The following AGBL4 variants were observed in gnomAD, a reference collection of about 807,000 sequenced individuals.
AGBL4 encodes the protein AGBL carboxypeptidase 4.
In AGBL4, 58 loss-of-function variants were observed where a neutral mutation model predicts 66.4. That is an observed-to-expected ratio of 0.87 (90% CI 0.71 to 1.09). The LOEUF is 1.09. Among genes scored for constraint, AGBL4 ranks in the 50% least tolerant of loss-of-function variants. AGBL4 has a pLI of 0.00. For missense variants in AGBL4, 579 were observed against 631.0 expected, an observed-to-expected ratio of 0.92 and a Z score of 0.88; for synonymous variants, 234 against 222.9, an observed-to-expected ratio of 1.05 and a Z score of -0.44.
intron 3 of AGBL4, among the ~76,000 whole-genome samples, chr1:49,481,159 C>A (rs999601493): frequency 6.6e-6 from 1 of 152,014 alleles, no homozygotes; most frequent in South Asian, 2.1e-4. Flanking sequence ...TTTTCTAGTT[C>A]TGTGAAGAAT....
intron 2 of AGBL4, among the ~76,000 whole-genome samples, chr1:49,722,380 A>G (rs1251070492): frequency 6.6e-6 from 1 of 152,184 alleles, no homozygotes; most frequent in African/African-American, 2.4e-5. Context: ...AGCATTAACA[A>G]ATGGAGAGAA....
chr1:48,861,693 T>C (rs908654523), intron 6 of AGBL4, among the ~76,000 whole-genome samples: 1 of 152,200 alleles, frequency 6.6e-6, no homozygotes, highest in Non-Finnish European at 1.5e-5. Flanking sequence ...TTTACCATAA[T>C]GCAACAACTA....
At chr1:49,742,031 G>C (rs1650539737) in intron 2 of AGBL4, among the ~76,000 whole-genome samples, 1 of 152,212 alleles carries the variant, frequency 6.6e-6, no homozygotes, top group Non-Finnish European at 1.5e-5. Context: ...GTTCAACATA[G>C]TGTTGGAAGT....
intron 3 of AGBL4, among the ~76,000 whole-genome samples, chr1:49,570,204 A>T (rs1390562825): frequency 6.6e-6 from 1 of 152,008 alleles, no homozygotes; most frequent in Non-Finnish European, 1.5e-5. Context: ...CCCAACAGTG[A>T]ATAAGTATTC....
At chr1:48,875,462 T>C (rs1306825576) in intron 5 of AGBL4, among the ~76,000 whole-genome samples, 1 of 152,148 alleles carries the variant, frequency 6.6e-6, no homozygotes, top group African/African-American at 2.4e-5. Flanking sequence ...ATTCCACAAC[T>C]AGGGGTTATA....
intron 1 of AGBL4, among the ~76,000 whole-genome samples, chr1:50,003,254 T>A (rs12138375): frequency 1.3e-5 from 2 of 152,092 alleles, no homozygotes; most frequent in South Asian, 2.1e-4. Flanking sequence ...CAAGTTTTGC[T>A]TTTTGAAAAT....
intron 3 of AGBL4, among the ~76,000 whole-genome samples, chr1:49,302,174 C>T (rs1314058027): frequency 5.9e-5 from 9 of 151,780 alleles, no homozygotes; most frequent in Non-Finnish European, 2.9e-5. Context: ...ATTATTGTCA[C>T]ATTTAGCTTT....
chr1:48,536,278 T>C (rs758440255), intron 12 of AGBL4, among the ~76,000 whole-genome samples: 16 of 152,042 alleles, frequency 1.1e-4, no homozygotes, highest in Non-Finnish European at 2.4e-4. Flanking sequence ...GGCTGAAGCA[T>C]AGGGCACGAG....
intron 4 of AGBL4, among the ~76,000 whole-genome samples, chr1:49,195,923 A>T (rs1350920798): frequency 6.6e-6 from 1 of 152,098 alleles, no homozygotes; most frequent in African/African-American, 2.4e-5. Context: ...TGTTCTTGTC[A>T]TAGTGAGTGA....
At chr1:49,121,081 CT>C (rs1481049016) in intron 4 of AGBL4, among the ~76,000 whole-genome samples, 1 of 152,140 alleles carries the variant, frequency 6.6e-6, no homozygotes, top group Non-Finnish European at 1.5e-5. Context: ...CTTCTATATA[CT>C]GTTTATTCTA....
intron 6 of AGBL4, among the ~76,000 whole-genome samples, chr1:48,747,537 T>C (rs1557938945): frequency 6.6e-6 from 1 of 152,244 alleles, no homozygotes; most frequent in Non-Finnish European, 1.5e-5. Context: ...GAAACACTAT[T>C]ATATAGCATA....
chr1:49,900,010 C>T (rs1041416207), intron 1 of AGBL4, among the ~76,000 whole-genome samples: 1 of 151,958 alleles, frequency 6.6e-6, no homozygotes, highest in African/African-American at 2.4e-5. Flanking sequence ...CCACTGCACT[C>T]CAGCCTGGGT....
At chr1:49,488,860 G>A (rs1169743324) in intron 3 of AGBL4, among the ~76,000 whole-genome samples, 1 of 151,816 alleles carries the variant, frequency 6.6e-6, no homozygotes, top group South Asian at 2.1e-4. Context: ...GCAAATGACA[G>A]GATCTCATTC....
intron 3 of AGBL4, among the ~76,000 whole-genome samples, chr1:49,542,688 A>C (rs1652142822): frequency 6.6e-6 from 1 of 152,080 alleles, no homozygotes; most frequent in Non-Finnish European, 1.5e-5. Flanking sequence ...ACTTGAGGTC[A>C]AGAGTTTGAG....
At chr1:50,010,628 C>A (rs1409265898) in intron 1 of AGBL4, among the ~76,000 whole-genome samples, 1 of 151,966 alleles carries the variant, frequency 6.6e-6, no homozygotes, top group Non-Finnish European at 1.5e-5. Context: ...ACACATAGAC[C>A]AATGGGACAG....
chr1:49,752,170 G>A (rs58341445), intron 2 of AGBL4, among the ~76,000 whole-genome samples: 57 of 152,094 alleles, frequency 3.7e-4, no homozygotes, highest in East Asian at 3.7e-3. Flanking sequence ...TGATGTTAGC[G>A]TGTCAATTTT....
At chr1:49,848,772 G>A (rs1196123983) in intron 2 of AGBL4, among the ~76,000 whole-genome samples, 1 of 152,138 alleles carries the variant, frequency 6.6e-6, no homozygotes, top group Non-Finnish European at 1.5e-5. Context: ...ATATATCAAT[G>A]TATCAAAACT....
intron 2 of AGBL4, among the ~76,000 whole-genome samples, chr1:49,830,413 C>T (rs905408521): frequency 6.6e-6 from 1 of 152,142 alleles, no homozygotes; most frequent in African/African-American, 2.4e-5. Flanking sequence ...ACAAATGTCT[C>T]CTTTTAAGAG....
intron 1 of AGBL4, among the ~76,000 whole-genome samples, chr1:50,022,595 T>C (rs182037272): frequency 0.011 from 1,565 of 147,308 alleles, 5 homozygotes; most frequent in Middle Eastern, 0.021. Context: ...TTCTGGGGTG[T>C]GGTGTGTATG....
Sources: gnomAD v4.1 joint callset for allele counts (sites outside exome capture counted in the v4.1 genomes callset) on GRCh38, gnomAD v4.1.1 for gene constraint, MANE v1.5 for transcripts, NCBI Gene and HGNC (gene_info 2026-07-23, HGNC 2026-07-21) for gene names.